RSPO4: variants seen among roughly 807,000 people sequenced by gnomAD.
The protein encoded by RSPO4 is R-spondin-4.
In RSPO4, 23 loss-of-function variants were observed where a neutral mutation model predicts 24.8. The observed-to-expected ratio is 0.93, with a 90% CI of 0.67 to 1.31. The LOEUF (loss-of-function observed/expected upper bound fraction) is 1.31. Ranked by LOEUF, RSPO4 falls within the 40% of genes most tolerant of loss-of-function variation. The pLI is 0.00. For synonymous variants in RSPO4, 141 were observed against 127.4 expected (o/e 1.11, Z -0.72); for missense variants, 333 against 316.5 (o/e 1.05, Z -0.39).
chr20:962,630 G>A (rs1377785431), intron 4 of RSPO4, among the ~76,000 whole-genome samples: 1 of 152,034 alleles, frequency 6.6e-6, no homozygotes, highest in African/African-American at 2.4e-5. Flanking sequence ...TGCCCAACAT[G>A]ACTCCCAAAG....
In RSPO4 at chr20:968,155, G is replaced by C; in HGVS notation, c.80-17C>G. 1 of 1,611,754 alleles carries C rather than the reference G, an allele frequency of 6.2e-7. No homozygotes were observed. The highest frequency in any genetic ancestry group is 8.5e-7 in the Non-Finnish European group (1 of 1,178,254). ...CAGTGCCCACTGCCCACAAGACCAGGGCAGAAGGAGGGGGAAAGGGAGAGA... is the reference window on the plus strand; with the variant it reads ...CAGTGCCCACTGCCCACAAGACCAGCGCAGAAGGAGGGGGAAAGGGAGAGA... On this transcript the variant is annotated splice_polypyrimidine_tract_variant and intron_variant, in intron 1 of 4. Transcript: ENST00000217260.
rs369316107 is a variant in RSPO4, at chr20:998,093, T to C, written c.79+3993A>G. ...GGGGAAGCACGGACGGGAGAAGGCA[T>C]GTGGCCTGCTTAATGTCACATATCT... On this transcript the variant is annotated intron_variant, in intron 1 of 4. Coordinates refer to ENST00000217260, the MANE Select transcript of RSPO4 (RefSeq NM_001029871.4). Among the ~76,000 whole-genome samples, 327 of 152,346 alleles carry C rather than the reference T, an allele frequency of 2.1e-3. 2 individuals are homozygous for C. The highest frequency in any genetic ancestry group is 0.017 in the South Asian group (81 of 4,830).
At position 973,446 on chromosome 20, in the gene RSPO4, TTTTG is replaced by T. The variant is rs1362205200; in HGVS notation, c.80-5312_80-5309del. The stretch of plus-strand genomic sequence containing the variant: ...AGTTAGAGTTATAGCACTATTTGTT[TTTTG>T]TTTGTTTTATTGTTTGTTTGTTTGT... On this transcript the variant is annotated intron_variant, in intron 1 of 4. Transcript: ENST00000217260. Among the ~76,000 whole-genome samples, 17 of 124,862 alleles carry T rather than the reference TTTTG, an allele frequency of 1.4e-4. No homozygotes were observed. In the South Asian group the frequency reaches 2.5e-3, roughly 18 times the overall value. The allele number at this position is 124,862 out of a possible 152,430, so 81.9% of individuals were successfully genotyped here.
At position 958,469 on chromosome 20, in the gene RSPO4, C is replaced by T. The variant is rs868264796; in HGVS notation, c.*1888G>A. On this transcript the variant is annotated 3_prime_UTR_variant, in exon 5 of 5. Coordinates refer to ENST00000217260, the MANE Select transcript of RSPO4 (RefSeq NM_001029871.4). ...AAGAAGCATTTACAAGTTTCTTTTCCCTTTATTAAGAAAGTTTTAAAAAAA... is the reference window on the plus strand; with the variant it reads ...AAGAAGCATTTACAAGTTTCTTTTCTCTTTATTAAGAAAGTTTTAAAAAAA... The T allele has an allele frequency of 6.6e-6, 1 of 152,154 alleles. No individual in the cohort carries two copies. Among genetic ancestry groups the T allele is most frequent in the African/African-American group, 2.4e-5 (1 of 41,424 alleles). The allele number at this position is 152,154 out of a possible 1,614,324, so 9.4% of individuals were successfully genotyped here. A position where few individuals can be genotyped will look rare whatever the true frequency, so the allele number is the denominator to read the frequency against.
Position 969,011 on chromosome 20 carries a change from T to C in RSPO4, c.80-873A>G, listed in dbSNP as rs932334378. Among the ~76,000 whole-genome samples the C allele has an allele frequency of 2.6e-5, 4 of 152,094 alleles. No individual in the cohort carries two copies. The East Asian group carries it at 7.7e-4, about 29-fold the overall frequency. ...CTGAACACTTGCAGGGAGGGACTCATGGGAGTTAGGGATTGTCAGCCTGGC... is the reference window on the plus strand; with the variant it reads ...CTGAACACTTGCAGGGAGGGACTCACGGGAGTTAGGGATTGTCAGCCTGGC... On this transcript the variant is annotated intron_variant, in intron 1 of 4. Coordinates refer to ENST00000217260, the MANE Select transcript of RSPO4 (RefSeq NM_001029871.4).
intron 1 of RSPO4, among the ~76,000 whole-genome samples, chr20:985,463 A>C (rs1393781223): frequency 1.3e-5 from 2 of 152,246 alleles, no homozygotes; most frequent in Non-Finnish European, 1.5e-5. Context: ...AAGACATACA[A>C]AATCATACTG....
At chr20:986,494 G>A (rs1984925808) in intron 1 of RSPO4, among the ~76,000 whole-genome samples, 1 of 152,070 alleles carries the variant, frequency 6.6e-6, no homozygotes, top group Admixed American at 6.6e-5. Context: ...GGCAGTGATG[G>A]GGAAGCAGTG....
chr20:998,980 GCTCT>G (rs977075800), intron 1 of RSPO4, among the ~76,000 whole-genome samples: 1 of 147,838 alleles, frequency 6.8e-6, no homozygotes, highest in African/African-American at 2.5e-5. Context: ...ACTCTCTCTC[GCTCT>G]CTTTTTTTTT....
At chr20:971,618 T>C (rs1388135163) in intron 1 of RSPO4, among the ~76,000 whole-genome samples, 2 of 152,148 alleles carry the variant, frequency 1.3e-5, no homozygotes, top group Non-Finnish European at 2.9e-5. Context: ...AGGTGCACGA[T>C]GAATCATATA....
intron 1 of RSPO4, among the ~76,000 whole-genome samples, chr20:978,106 A>G (rs188553658): frequency 1.2e-3 from 182 of 152,308 alleles, no homozygotes; most frequent in African/African-American, 4.4e-3. Context: ...AGAGGTCGCT[A>G]GCCCACTGGA....
chr20:964,847 T>C (rs1038413298), intron 3 of RSPO4, among the ~76,000 whole-genome samples: 4 of 132,680 alleles, frequency 3.0e-5, no homozygotes, highest in Admixed American at 7.7e-5. Flanking sequence ...TATATATATA[T>C]ACTTTGATTA....
At position 1,002,195 on chromosome 20, in the gene RSPO4, C is replaced by G. The variant is rs749426265; in HGVS notation, c.-31G>C. On this transcript the variant is annotated 5_prime_UTR_variant, in exon 1 of 5. Transcript: ENST00000217260. This position sits in a 1 kb window ranked among gnomAD's most constrained non-coding sequence, Gnocchi z 4.6. ...CAGCCGGATCCGGGCTGGCGCTCCC[C>G]AGGCGGCCCGACGGCCCAAGGGCCC... 1.0e-5 allele frequency: 15 copies of G among 1,497,970 alleles called. No individual in the cohort carries two copies. The East Asian group carries it at 3.6e-4, about 35-fold the overall frequency. The allele number at this position is 1,497,970 out of a possible 1,614,324, so 92.8% of individuals were successfully genotyped here.
At chr20:978,139 G>C (rs566796007) in intron 1 of RSPO4, among the ~76,000 whole-genome samples, 1 of 152,180 alleles carries the variant, frequency 6.6e-6, no homozygotes, top group Non-Finnish European at 1.5e-5. Flanking sequence ...CTCAGGAGGT[G>C]GGGGGACCAG....
chr20:967,035 C>T (rs772172397), intron 3 of RSPO4, 139 bp downstream of exon 3: 1 of 778,924 alleles, frequency 1.3e-6, no homozygotes, highest in Non-Finnish European at 2.0e-6. Context: ...CCCAGTGTAC[C>T]TGACATGGTG....
intron 1 of RSPO4, among the ~76,000 whole-genome samples, chr20:986,012 T>C (rs1464068907): frequency 6.6e-6 from 1 of 152,242 alleles, no homozygotes; most frequent in Non-Finnish European, 1.5e-5. Context: ...CAATTTCCTG[T>C]CAATTTCCTA....
chr20:977,167 A>G (rs1253174856), intron 1 of RSPO4, among the ~76,000 whole-genome samples: 1 of 152,220 alleles, frequency 6.6e-6, no homozygotes, highest in Middle Eastern at 3.2e-3. Context: ...AGAGCCTGTT[A>G]AAAACACAGG....
At chr20:982,709 C>A (rs927509229) in intron 1 of RSPO4, among the ~76,000 whole-genome samples, 6 of 152,200 alleles carry the variant, frequency 3.9e-5, no homozygotes, top group Non-Finnish European at 7.3e-5. Context: ...CGCATCCTCT[C>A]TGAGCCTACT....
At chr20:968,167 G>A in intron 1 of RSPO4, 29 bp from the exon 2 acceptor site, 1 of 1,605,058 alleles carries the variant, frequency 6.2e-7, no homozygotes, top group Non-Finnish European at 8.5e-7. Flanking sequence ...CAGAAGGAGG[G>A]GGAAAGGGAG....
chr20:968,553 G>T (rs1844025255), intron 1 of RSPO4, among the ~76,000 whole-genome samples: 1 of 152,248 alleles, frequency 6.6e-6, no homozygotes, highest in Non-Finnish European at 1.5e-5. Flanking sequence ...ACCAGCTCTA[G>T]CCTGCCTGTG....
Sources: gnomAD v4.1 joint callset for allele counts (sites outside exome capture counted in the v4.1 genomes callset) on GRCh38, gnomAD v4.1.1 for gene constraint, Gnocchi (gnomAD v3.1) non-coding constraint, MANE v1.5 for transcripts, NCBI Gene and HGNC (gene_info 2026-07-23, HGNC 2026-07-21) for gene names.